PNO1: variants seen among roughly 807,000 people sequenced by gnomAD.
PNO1 encodes RNA-binding protein PNO1.
PNO1 carries 16 observed loss-of-function variants against 28.4 expected under a neutral mutation model. The ratio of observed to expected loss-of-function variants is 0.56; its 90% CI spans 0.38 to 0.85. The LOEUF (loss-of-function observed/expected upper bound fraction) is 0.85. Ranked by LOEUF, PNO1 falls within the 40% of genes least tolerant of loss-of-function variation. The probability of loss-of-function intolerance (pLI) is 0.00; values close to 1 mark genes in which losing one functional copy is unlikely to be tolerated. For missense variants in PNO1, 304 were observed against 312.2 expected, an observed-to-expected ratio of 0.97 and a Z score of 0.20; for synonymous variants, 115 against 110.8, an observed-to-expected ratio of 1.04 and a Z score of -0.24.
Position 68,175,119 on chromosome 2 carries a change from C to A in PNO1, c.*317C>A, listed in dbSNP as rs927836760. 4 of 207,834 alleles carry A rather than the reference C, an allele frequency of 1.9e-5. No individual in the cohort carries two copies. Among genetic ancestry groups the A allele is most frequent in the Non-Finnish European group, 3.8e-5 (4 of 104,720 alleles). The allele number at this position is 207,834 out of a possible 1,614,324, so 12.9% of individuals were successfully genotyped here. A position where few individuals can be genotyped will look rare whatever the true frequency, so the allele number is the denominator to read the frequency against. Reference sequence around the variant, plus strand: ...AGGGAAACTTCTTGTTTAAACAGCTCTATATGGATTTATACTTTTATATTT... The same window carrying A: ...AGGGAAACTTCTTGTTTAAACAGCTATATATGGATTTATACTTTTATATTT... On this transcript the variant is annotated 3_prime_UTR_variant, in exon 7 of 7. Coordinates refer to ENST00000263657, the MANE Select transcript of PNO1 (RefSeq NM_020143.4).
At chr2:68,166,428 AATCT>A (rs1673999875) in intron 5 of PNO1, among the ~76,000 whole-genome samples, 2 of 152,146 alleles carry the variant, frequency 1.3e-5, no homozygotes, top group South Asian at 2.1e-4. Flanking sequence ...AGGAAGAGAA[AATCT>A]ATCTACTCTT....
chr2:68,170,672 C>T (rs768225367), intron 5 of PNO1, among the ~76,000 whole-genome samples: 4 of 141,428 alleles, frequency 2.8e-5, no homozygotes, highest in African/African-American at 8.0e-5. Flanking sequence ...GGCGAGAATC[C>T]GAGAGGCGGA....
chr2:68,160,523 C>T (rs1167679416), intron 2 of PNO1, among the ~76,000 whole-genome samples: 1 of 152,170 alleles, frequency 6.6e-6, no homozygotes, highest in African/African-American at 2.4e-5. Flanking sequence ...TTTTCATGTG[C>T]TTTATTGTCC....
intron 2 of PNO1, among the ~76,000 whole-genome samples, chr2:68,159,278 G>GTGTGTA (rs1553400569): frequency 7.0e-6 from 1 of 143,012 alleles, no homozygotes; most frequent in African/African-American, 2.8e-5. Context: ...GTGTGTGTGT[G>GTGTGTA]TATATATATC....
chr2:68,158,716 T>A (rs755197467), intron 2 of PNO1, among the ~76,000 whole-genome samples, 187 bp downstream of exon 2: 5 of 152,246 alleles, frequency 3.3e-5, no homozygotes, highest in Non-Finnish European at 5.9e-5. Context: ...AAATATTAAT[T>A]GAATTTGTAA....
At chr2:68,165,387 A>G (rs1389222644) in intron 5 of PNO1, among the ~76,000 whole-genome samples, 10 of 131,276 alleles carry the variant, frequency 7.6e-5, no homozygotes, top group African/African-American at 3.0e-4. Flanking sequence ...AAACAACAAA[A>G]AAAAAAAAAC....
At position 68,157,912 on chromosome 2, in the gene PNO1, G is replaced by T; in HGVS notation, c.-23G>T. 2 of 1,607,332 alleles carry T rather than the reference G, an allele frequency of 1.2e-6. No individual in the cohort carries two copies. The highest frequency in any genetic ancestry group is 1.7e-6 in the Non-Finnish European group (2 of 1,174,500). Reference sequence around the variant, plus strand: ...TGCAGCTGCGCACGTGTTTCAGCCGGCAGCGCTTTAAGATTTCCGGGGATG... The same window carrying T: ...TGCAGCTGCGCACGTGTTTCAGCCGTCAGCGCTTTAAGATTTCCGGGGATG... On this transcript the variant is annotated 5_prime_UTR_variant, in exon 1 of 7. Coordinates refer to ENST00000263657, the MANE Select transcript of PNO1 (RefSeq NM_020143.4).
intron 5 of PNO1, among the ~76,000 whole-genome samples, chr2:68,164,760 G>A: frequency 6.6e-6 from 1 of 152,140 alleles, no homozygotes; most frequent in East Asian, 1.9e-4. Context: ...TGGCACCACT[G>A]CACTCTAGCC....
intron 2 of PNO1, among the ~76,000 whole-genome samples, chr2:68,159,300 C>G (rs1489908825): frequency 6.6e-6 from 1 of 151,600 alleles, no homozygotes; most frequent in East Asian, 1.9e-4. Context: ...TTTTATTTTG[C>G]TCTTTCACCC....
chr2:68,159,686 GAATAT>G (rs765029669), intron 2 of PNO1, among the ~76,000 whole-genome samples: 52 of 151,998 alleles, frequency 3.4e-4, no homozygotes, highest in Non-Finnish European at 6.8e-4. Flanking sequence ...TCTGTTAATG[GAATAT>G]AATAATGGAA....
At chr2:68,163,917 C>T (rs1339404952) in intron 5 of PNO1, among the ~76,000 whole-genome samples, 1 of 152,128 alleles carries the variant, frequency 6.6e-6, no homozygotes, top group Non-Finnish European at 1.5e-5. Context: ...GAACAGTTGA[C>T]TGAGAGGAGG....
intron 5 of PNO1, among the ~76,000 whole-genome samples, chr2:68,171,849 G>A (rs1334029964): frequency 5.9e-5 from 9 of 152,142 alleles, no homozygotes; most frequent in East Asian, 3.8e-4. Context: ...GTGAGGGGGC[G>A]AAGGGCAGTG....
At chr2:68,172,161 A>G (rs982326174) in intron 5 of PNO1, among the ~76,000 whole-genome samples, 1 of 152,212 alleles carries the variant, frequency 6.6e-6, no homozygotes, top group Non-Finnish European at 1.5e-5. Context: ...GTGATGGGGA[A>G]TAGCAAGAGA....
intron 6 of PNO1, among the ~76,000 whole-genome samples, chr2:68,173,619 G>A (rs1056936602): frequency 7.7e-6 from 1 of 130,326 alleles, no homozygotes; most frequent in African/African-American, 3.0e-5. Context: ...GTCTCGCTGT[G>A]TCGCCTAGGT....
At chr2:68,173,083 CTT>C (rs200879340) in intron 5 of PNO1, 3,721 of 111,776 alleles carry the variant, frequency 0.033, 160 homozygotes, top group African/African-American at 0.13. Flanking sequence ...TCTACAATGT[CTT>C]TTTTTTTTTT....
At chr2:68,173,178 G>A (rs1430621347) in intron 5 of PNO1, 169 bp from the exon 6 acceptor site, 1 of 479,350 alleles carries the variant, frequency 2.1e-6, no homozygotes, top group Non-Finnish European at 3.7e-6. Context: ...ACTACACCCA[G>A]CTAACTGTTG....
intron 2 of PNO1, among the ~76,000 whole-genome samples, chr2:68,160,746 ACCT>A (rs1208617063): frequency 6.6e-6 from 1 of 152,050 alleles, no homozygotes; most frequent in African/African-American, 2.4e-5. Flanking sequence ...TTCTACTCTG[ACCT>A]CCTCATTTTA....
Position 68,171,510 on chromosome 2 carries a change from T to C in PNO1, c.621-1837T>C, listed in dbSNP as rs1572942431. Among the ~76,000 whole-genome samples the C allele has an allele frequency of 5.9e-5, 9 of 152,356 alleles. No homozygotes were observed. In the Middle Eastern group the frequency reaches 0.02, roughly 345 times the overall value. ...ACCTTTTTGGACTTTGCTACTGTTA[T>C]TACTCTCTTCTTCCTTTTGGGCTTA... On this transcript the variant is annotated intron_variant, in intron 5 of 6. Coordinates refer to ENST00000263657, the MANE Select transcript of PNO1 (RefSeq NM_020143.4).
chr2:68,164,744 C>A (rs573183122), intron 5 of PNO1, among the ~76,000 whole-genome samples: 1 of 152,112 alleles, frequency 6.6e-6, no homozygotes, highest in Non-Finnish European at 1.5e-5. Flanking sequence ...CCACAGTGAA[C>A]CATGATGGCA....
Sources: allele counts gnomAD v4.1 joint callset (sites outside exome capture counted in the v4.1 genomes callset), GRCh38; gene constraint gnomAD v4.1.1; transcripts MANE v1.5; gene names NCBI Gene and HGNC (gene_info 2026-07-23, HGNC 2026-07-21).